SNX3: variants seen among roughly 807,000 people sequenced by gnomAD.
SNX3 encodes sorting nexin 3.
SNX3 carries 5 observed loss-of-function variants against 17.7 expected under a neutral mutation model. The observed-to-expected ratio is 0.28, with a 90% CI of 0.15 to 0.59. The LOEUF (loss-of-function observed/expected upper bound fraction) is 0.59. Ranked by LOEUF, SNX3 falls within the 20% of genes least tolerant of loss-of-function variation. SNX3 has a pLI of 0.88. For synonymous variants in SNX3, 91 were observed against 76.5 expected (o/e 1.19, Z -0.99); for missense variants, 132 against 206.8 (o/e 0.64, Z 2.22).
chr6:108,218,898 G>A (rs1387129472), intron 2 of SNX3, among the ~76,000 whole-genome samples: 2 of 152,174 alleles, frequency 1.3e-5, no homozygotes, highest in Non-Finnish European at 2.9e-5. Context: ...ATGGGGACAG[G>A]GTTTCTTTTA....
intron 1 of SNX3, among the ~76,000 whole-genome samples, chr6:108,238,904 T>C (rs1264903788): frequency 6.6e-6 from 1 of 151,726 alleles, no homozygotes; most frequent in East Asian, 1.9e-4. Context: ...ACCTTTTCTT[T>C]CTTTTTTTTT....
At chr6:108,219,606 GTCAATCAA>G (rs36070230) in intron 2 of SNX3, among the ~76,000 whole-genome samples, 5 of 152,276 alleles carry the variant, frequency 3.3e-5, no homozygotes, top group African/African-American at 1.2e-4. Context: ...GCAAGGCTCT[GTCAATCAA>G]TCAATCAATC....
intron 1 of SNX3, among the ~76,000 whole-genome samples, chr6:108,249,207 A>C (rs1775777962): frequency 6.6e-6 from 1 of 152,202 alleles, no homozygotes; most frequent in Admixed American, 6.5e-5. Context: ...AAACACATAC[A>C]CACACAAAAC....
chr6:108,239,968 A>G (rs1219326687), intron 1 of SNX3, among the ~76,000 whole-genome samples: 1 of 152,188 alleles, frequency 6.6e-6, no homozygotes, highest in African/African-American at 2.4e-5. Flanking sequence ...GAATAAGACC[A>G]TTTCTCTTAA....
intron 2 of SNX3, among the ~76,000 whole-genome samples, chr6:108,222,030 T>A (rs1259536506): frequency 6.6e-6 from 1 of 152,220 alleles, no homozygotes; most frequent in Non-Finnish European, 1.5e-5. Context: ...GTACCGAGAT[T>A]ATAGGCATGA....
intron 2 of SNX3, among the ~76,000 whole-genome samples, chr6:108,216,815 CA>C (rs538038425): frequency 1.5e-4 from 23 of 152,094 alleles, no homozygotes; most frequent in African/African-American, 4.1e-4. Flanking sequence ...ACAAAAAAAC[CA>C]AATGTCCAAA....
At chr6:108,241,067 G>C (rs1395884560) in intron 1 of SNX3, among the ~76,000 whole-genome samples, 1 of 149,860 alleles carries the variant, frequency 6.7e-6, no homozygotes, top group African/African-American at 2.5e-5. Flanking sequence ...ACTTGAACCT[G>C]GGAGGTGGAG....
chr6:108,216,186 C>A (rs1774569577), intron 2 of SNX3, among the ~76,000 whole-genome samples: 1 of 152,136 alleles, frequency 6.6e-6, no homozygotes, highest in Non-Finnish European at 1.5e-5. Flanking sequence ...GATCCTCCTG[C>A]ATCAGCCTCC....
chr6:108,222,241 T>C, intron 2 of SNX3: 3 of 1,304,264 alleles, frequency 2.3e-6, no homozygotes, highest in Non-Finnish European at 3.0e-6. Context: ...TACTTTCTAG[T>C]CACAAAATAA....
At chr6:108,247,584 G>A (rs1349572949) in intron 1 of SNX3, among the ~76,000 whole-genome samples, 1 of 151,752 alleles carries the variant, frequency 6.6e-6, no homozygotes, top group South Asian at 2.1e-4. Context: ...GTCTCCCTAT[G>A]TTTCCCAGGC....
Position 108,260,892 on chromosome 6 carries a change from C to A in SNX3, c.30G>T (p.Arg10=), listed in dbSNP as rs746389539. 6.2e-7 allele frequency: 1 copy of A among 1,609,072 alleles called. No individual in the cohort carries two copies. The highest frequency in any genetic ancestry group is 1.1e-5 in the South Asian group (1 of 90,934). The part of the protein sequence containing the change: MAETVADTR[R]LITKPQNLND... The stretch of plus-strand genomic sequence containing the variant: ...TCAGGTTCTGCGGCTTGGTGATCAG[C>A]CGCCGGGTGTCAGCCACGGTCTCCG... The change falls in exon 1 of 4, where the codon CGG becomes CGT. Residue 10 remains arginine (R), a synonymous_variant. Coordinates refer to ENST00000230085, the MANE Select transcript of SNX3 (RefSeq NM_003795.6).
At chr6:108,259,528 G>C (rs138910794) in intron 1 of SNX3, among the ~76,000 whole-genome samples, 1 of 152,260 alleles carries the variant, frequency 6.6e-6, no homozygotes, top group South Asian at 2.1e-4. Flanking sequence ...CACCGCGCCC[G>C]GCCTATGATC....
At chr6:108,241,098 C>T (rs555712761) in intron 1 of SNX3, among the ~76,000 whole-genome samples, 6 of 138,636 alleles carry the variant, frequency 4.3e-5, no homozygotes, top group South Asian at 4.7e-4. Flanking sequence ...ACCACGATTG[C>T]GCGCCACTGC....
At chr6:108,253,160 T>C (rs1377916459) in intron 1 of SNX3, among the ~76,000 whole-genome samples, 1 of 152,212 alleles carries the variant, frequency 6.6e-6, no homozygotes, top group African/African-American at 2.4e-5. Flanking sequence ...GTCTATTGCA[T>C]GTGATCACCA....
chr6:108,217,494 T>C (rs1379058173), intron 2 of SNX3, among the ~76,000 whole-genome samples: 2 of 152,082 alleles, frequency 1.3e-5, no homozygotes, highest in Admixed American at 1.3e-4. Flanking sequence ...GTAGCTCACA[T>C]ATGTAATCCC....
At chr6:108,243,630 A>T (rs572503128) in intron 1 of SNX3, among the ~76,000 whole-genome samples, 126 of 152,318 alleles carry the variant, frequency 8.3e-4, no homozygotes, top group African/African-American at 2.9e-3. Flanking sequence ...ACCAGATAGT[A>T]AATGAAATCC....
chr6:108,259,697 G>C (rs1776132293), intron 1 of SNX3, among the ~76,000 whole-genome samples: 1 of 152,136 alleles, frequency 6.6e-6, no homozygotes, highest in Admixed American at 6.5e-5. Context: ...ATATACTACT[G>C]AGCTGTATGT....
chr6:108,238,447 C>G (rs893276225), intron 1 of SNX3, among the ~76,000 whole-genome samples: 10 of 152,102 alleles, frequency 6.6e-5, no homozygotes, highest in Middle Eastern at 3.4e-3. Context: ...CTTTTTACAG[C>G]CACTTACACC....
intron 1 of SNX3, among the ~76,000 whole-genome samples, chr6:108,238,750 A>G (rs1775429580): frequency 6.6e-6 from 1 of 152,226 alleles, no homozygotes; most frequent in Non-Finnish European, 1.5e-5. Context: ...AAACACACAA[A>G]GTTCAAATAA....
Sources: gnomAD v4.1 joint callset for allele counts (sites outside exome capture counted in the v4.1 genomes callset) on GRCh38, gnomAD v4.1.1 for gene constraint, MANE v1.5 for transcripts, NCBI Gene and HGNC (gene_info 2026-07-23, HGNC 2026-07-21) for gene names.